Variants in LSM12 observed in about 807,000 individuals in gnomAD.
The protein encoded by LSM12 is protein LSM12.
For synonymous variants in LSM12, 74 were observed against 87.3 expected, an observed-to-expected ratio of 0.85 and a Z score of 0.85; for missense variants, 108 against 238.9, an observed-to-expected ratio of 0.45 and a Z score of 3.61.
chr17:44,058,099 T>G (rs890009501), intron 2 of LSM12, among the ~76,000 whole-genome samples: 3 of 151,146 alleles, frequency 2.0e-5, no homozygotes, highest in Non-Finnish European at 4.4e-5. Context: ...TAGCTGGGCG[T>G]GGTGGTGGGC....
intron 2 of LSM12, among the ~76,000 whole-genome samples, chr17:44,053,475 G>A (rs2049672391): frequency 6.6e-6 from 1 of 152,152 alleles, no homozygotes; most frequent in Non-Finnish European, 1.5e-5. Flanking sequence ...TAAGTTAAAT[G>A]CTGCTGTCCC....
chr17:44,066,099 C>T (rs2049870589), intron 1 of LSM12, among the ~76,000 whole-genome samples: 1 of 152,096 alleles, frequency 6.6e-6, no homozygotes, highest in African/African-American at 2.4e-5. Flanking sequence ...TTCACCCGCC[C>T]CTCCTTTCCA....
intron 2 of LSM12, among the ~76,000 whole-genome samples, chr17:44,060,494 T>C (rs1034228496): frequency 3.9e-5 from 6 of 152,188 alleles, no homozygotes; most frequent in Admixed American, 2.6e-4. Context: ...AAAGCCAATA[T>C]AGCTTACTCA....
chr17:44,060,584 G>A (rs532560026), intron 2 of LSM12, among the ~76,000 whole-genome samples: 2 of 152,296 alleles, frequency 1.3e-5, no homozygotes, highest in South Asian at 4.1e-4. Context: ...TTTAGTTTCT[G>A]ACTCCTCTTC....
Position 44,036,357 on chromosome 17 carries a change from AAACAATCC to A in LSM12, c.496-65_496-58del. On this transcript the variant is annotated intron_variant, in intron 4 of 4. Transcript: ENST00000293406. ...AGGAGATGCGGAAGAAAGGTCTCCC[AAACAATCC>A]AACCCAGGTTTCCACAGCCCCATCC... The A allele has an allele frequency of 1.9e-6, 3 of 1,608,624 alleles. No homozygotes were observed. The South Asian group carries it at 3.3e-5, about 18-fold the overall frequency.
At chr17:44,066,044 G>A (rs1307034920) in intron 1 of LSM12, among the ~76,000 whole-genome samples, 1 of 151,788 alleles carries the variant, frequency 6.6e-6, no homozygotes, top group African/African-American at 2.4e-5. Context: ...CCATACCTTT[G>A]CCCTACCAGC....
chr17:44,047,177 A>G (rs1167098813), intron 2 of LSM12, among the ~76,000 whole-genome samples: 2 of 152,168 alleles, frequency 1.3e-5, no homozygotes, highest in African/African-American at 4.8e-5. Flanking sequence ...GATATCAAGC[A>G]TCTTATGTGC....
chr17:44,057,677 TGAACCTGGGAGGCA>T (rs1424610432), intron 2 of LSM12, among the ~76,000 whole-genome samples: 1 of 150,816 alleles, frequency 6.6e-6, no homozygotes, highest in East Asian at 2.0e-4. Context: ...GAGAACTGCT[TGAACCTGGGAGGCA>T]GAGGTTGCAG....
intron 2 of LSM12, among the ~76,000 whole-genome samples, chr17:44,052,702 T>C (rs2049662652): frequency 6.6e-6 from 1 of 151,874 alleles, no homozygotes; most frequent in African/African-American, 2.4e-5. Context: ...GAGGTTGCAG[T>C]GAGCTGAGAC....
chr17:44,066,378 GC>G, intron 1 of LSM12, 85 bp downstream of exon 1: 1 of 1,473,620 alleles, frequency 6.8e-7, no homozygotes, highest in Non-Finnish European at 9.0e-7. Flanking sequence ...CCCGGAGAGA[GC>G]CCCAGCCGCC....
At chr17:44,046,474 G>A (rs1460367825) in intron 2 of LSM12, among the ~76,000 whole-genome samples, 5 of 151,174 alleles carry the variant, frequency 3.3e-5, no homozygotes, top group South Asian at 2.1e-4. Flanking sequence ...TTGGGAGGCC[G>A]AGGCGGATGG....
At chr17:44,062,948 T>C (rs552687193) in intron 2 of LSM12, among the ~76,000 whole-genome samples, 45 of 150,610 alleles carry the variant, frequency 3.0e-4, no homozygotes, top group African/African-American at 1.1e-3. Flanking sequence ...CACACACCTG[T>C]AGTCCCAACT....
chr17:44,058,733 G>A (rs1047774069), intron 2 of LSM12, among the ~76,000 whole-genome samples: 1 of 152,176 alleles, frequency 6.6e-6, no homozygotes, highest in African/African-American at 2.4e-5. Context: ...TTAGGAGGCT[G>A]AGGCAGGAGA....
At chr17:44,045,314 C>A (rs1171617013) in intron 2 of LSM12, among the ~76,000 whole-genome samples, 1 of 152,176 alleles carries the variant, frequency 6.6e-6, no homozygotes, top group African/African-American at 2.4e-5. Flanking sequence ...GCGTAAGCCA[C>A]CATGCCTGGC....
chr17:44,067,036 A>T (rs2049889483), upstream of LSM12, among the ~76,000 whole-genome samples: 1 of 152,262 alleles, frequency 6.6e-6, no homozygotes, highest in Non-Finnish European at 1.5e-5. Context: ...GCGGTGGCTC[A>T]CGCCTGTAAT....
Position 44,036,568 on chromosome 17 carries a change from A to G in LSM12, c.496-268T>C, listed in dbSNP as rs1370941096. Among the ~76,000 whole-genome samples, 3 of 152,358 alleles carry G rather than the reference A, an allele frequency of 2.0e-5. No homozygotes were observed. In the East Asian group the frequency reaches 5.8e-4, roughly 29 times the overall value. ...CTATAAAATATAATAAGGGGAGATTATCATGACCTAAACTCCTCCTCTCTT... is the reference window on the plus strand; with the variant it reads ...CTATAAAATATAATAAGGGGAGATTGTCATGACCTAAACTCCTCCTCTCTT... On this transcript the variant is annotated intron_variant, in intron 4 of 4. Transcript: ENST00000293406.
At chr17:44,062,328 T>C (rs755413954) in intron 2 of LSM12, among the ~76,000 whole-genome samples, 21 of 151,720 alleles carry the variant, frequency 1.4e-4, no homozygotes, top group African/African-American at 5.1e-4. Flanking sequence ...ATGTCCCAGG[T>C]TGGACTACAA....
intron 2 of LSM12, among the ~76,000 whole-genome samples, chr17:44,052,937 AAAAT>A (rs1412539170): frequency 6.6e-6 from 1 of 152,154 alleles, no homozygotes; most frequent in Non-Finnish European, 1.5e-5. Flanking sequence ...TGCTGTCTGA[AAAAT>A]AAATACTGTT....
intron 2 of LSM12, among the ~76,000 whole-genome samples, chr17:44,049,577 A>C (rs145038576): frequency 2.0e-5 from 3 of 152,062 alleles, no homozygotes; most frequent in Non-Finnish European, 2.9e-5. Flanking sequence ...TGCGTCCCAC[A>C]AGTGAGTGAT....
Sources: gnomAD v4.1 joint callset for allele counts (sites outside exome capture counted in the v4.1 genomes callset) on GRCh38, gnomAD v4.1.1 for gene constraint, MANE v1.5 for transcripts, NCBI Gene and HGNC (gene_info 2026-07-23, HGNC 2026-07-21) for gene names.